Variants in AKAP9 observed in about 807,000 individuals in gnomAD.
AKAP9 encodes the protein A-kinase anchoring protein 9, also known as A-kinase anchor protein 9.
A neutral mutation model predicts 488.5 loss-of-function variants in AKAP9; 311 were observed. That is an observed-to-expected ratio of 0.64 (90% confidence interval 0.58 to 0.70). The LOEUF is 0.70. Ranked by LOEUF, AKAP9 falls within the 30% of genes least tolerant of loss-of-function variation. The pLI, the probability that AKAP9 is intolerant of heterozygous loss-of-function variation, is 0.00. For missense variants in AKAP9, 4,215 were observed against 4,374.5 expected (o/e 0.96, Z 1.03); for synonymous variants, 1,462 against 1,483.5 (o/e 0.99, Z 0.33).
chr7:92,041,088 G>C (rs1806032550), intron 18 of AKAP9, 190 bp downstream of exon 18: 2 of 553,592 alleles, frequency 3.6e-6, no homozygotes, highest in Non-Finnish European at 6.4e-6. Flanking sequence ...AGCAGCTTTA[G>C]ATCTTGTTAG....
chr7:91,973,555 A>G (rs1197327990), intron 1 of AKAP9, 156 bp from the exon 2 acceptor site: 1 of 761,122 alleles, frequency 1.3e-6, no homozygotes, highest in African/African-American at 1.8e-5. Flanking sequence ...GCATTCCAGT[A>G]GTTACATTAA....
intron 8 of AKAP9, among the ~76,000 whole-genome samples, chr7:92,004,812 T>C (rs891442762): frequency 1.3e-5 from 2 of 152,308 alleles, no homozygotes; most frequent in East Asian, 1.9e-4. Context: ...CCTTTATTTC[T>C]TTCTCCTGCC....
chr7:92,004,648 G>C (rs1397570001), intron 8 of AKAP9, among the ~76,000 whole-genome samples: 1 of 152,142 alleles, frequency 6.6e-6, no homozygotes, highest in East Asian at 1.9e-4. Flanking sequence ...GAATGCTTGT[G>C]ATTTTTGCAC....
intron 22 of AKAP9, among the ~76,000 whole-genome samples, chr7:92,057,225 A>G (rs1208212870): frequency 6.6e-6 from 1 of 152,098 alleles, no homozygotes; most frequent in Non-Finnish European, 1.5e-5. Flanking sequence ...AAAGATGAGT[A>G]ATATTTCTAA....
chr7:91,950,520 A>T (rs901451192), intron 1 of AKAP9, among the ~76,000 whole-genome samples: 2 of 152,030 alleles, frequency 1.3e-5, no homozygotes, highest in Non-Finnish European at 1.5e-5. Context: ...GTGAGCCACA[A>T]CGTCCAGGCT....
chr7:91,998,322 G>GTC (rs1490060435), intron 7 of AKAP9, among the ~76,000 whole-genome samples: 3 of 147,444 alleles, frequency 2.0e-5, no homozygotes, highest in Non-Finnish European at 4.5e-5. Flanking sequence ...CATTCTCATT[G>GTC]TCCTAATCCT....
chr7:92,084,508 G>C, intron 33 of AKAP9, 132 bp from the exon 34 acceptor site: 1 of 631,916 alleles, frequency 1.6e-6, no homozygotes, highest in Non-Finnish European at 2.7e-6. Context: ...AAAAAACCAT[G>C]AATAATTTCA....
Position 92,040,764 on chromosome 7 carries a change from G to T in AKAP9, c.4783G>T (p.Val1595Leu). ...GTTGGAAGATATGAGACAGGAACTT[G>T]TACGACAATACCAAGAACATCAACA... is the stretch of plus-strand genomic sequence containing the variant. ...EQLEDMRQEL[V>L]RQYQEHQQAT... Residue 1595 changes from valine (V) to leucine (L), a missense_variant, in exon 18 of 50, where the codon GTA (valine) becomes TTA (leucine). By Grantham distance (32) the Val-to-Leu change is conservative. Around this residue, in one of 5 missense-constraint regions of AKAP9, gnomAD observed 2,361 missense variants for 2,430.0 expected, o/e 0.97. Transcript: ENST00000356239. The T allele has an allele frequency of 6.2e-7, 1 of 1,612,462 alleles. No individual in the cohort carries two copies. Among genetic ancestry groups the T allele is most frequent in the South Asian group, 1.1e-5 (1 of 91,020 alleles).
In AKAP9 at chr7:92,078,219, A is replaced by G. The variant is rs371133750; in HGVS notation, c.6945+344A>G. On this transcript the variant is annotated intron_variant, in intron 30 of 49. Transcript: ENST00000356239. ...CACCATGTTGACCAGGCTGGTCTCTATCTCCTGATGTCAGGTGATCCACCC... is the reference window on the plus strand; with the variant it reads ...CACCATGTTGACCAGGCTGGTCTCTGTCTCCTGATGTCAGGTGATCCACCC... 7.7e-4 allele frequency among the ~76,000 whole-genome samples: 117 copies of G among 152,170 alleles called. 1 individual carries two copies. The highest frequency in any genetic ancestry group is 2.6e-3 in the African/African-American group (109 of 41,522).
At chr7:91,970,651 A>G (rs1050556240) in intron 1 of AKAP9, 3 of 369,788 alleles carry the variant, frequency 8.1e-6, no homozygotes, top group Non-Finnish European at 1.6e-5. Flanking sequence ...ATGTTGTCCC[A>G]CATCCTCCTA....
intron 33 of AKAP9, among the ~76,000 whole-genome samples, chr7:92,083,867 G>A (rs1278620905): frequency 1.3e-5 from 2 of 151,970 alleles, no homozygotes; most frequent in Non-Finnish European, 2.9e-5. Flanking sequence ...TGGGATACAC[G>A]TGCAGGATGT....
At position 92,079,541 on chromosome 7, in the gene AKAP9, A is replaced by G; in HGVS notation, c.7408A>G (p.Thr2470Ala). 1 of 1,613,848 alleles carries G rather than the reference A, an allele frequency of 6.2e-7. No individual in the cohort carries two copies. The highest frequency in any genetic ancestry group is 8.5e-7 in the Non-Finnish European group (1 of 1,180,002). Residue 2470 changes from threonine (T) to alanine (A), a missense_variant, in exon 31 of 50, where the codon ACA becomes GCA. Physicochemically the swap from Thr to Ala is moderately conservative, Grantham distance 58. Transcript: ENST00000356239. ...KDKPELEVVL[T>A]EDALKSLENQ... Reference sequence around the variant, plus strand: ...CAAACCTGAACTAGAAGTAGTCCTTACAGAGGATGCTCTTAAATCCCTAGA... The same window carrying G: ...CAAACCTGAACTAGAAGTAGTCCTTGCAGAGGATGCTCTTAAATCCCTAGA...
intron 1 of AKAP9, among the ~76,000 whole-genome samples, chr7:91,954,432 A>T (rs1259325646): frequency 1.3e-5 from 2 of 152,118 alleles, no homozygotes; most frequent in East Asian, 3.9e-4. Flanking sequence ...CTACAGGTAC[A>T]CACCACCATG....
At chr7:92,011,335 T>G (rs2130699174) in intron 8 of AKAP9, among the ~76,000 whole-genome samples, 1 of 152,348 alleles carries the variant, frequency 6.6e-6, no homozygotes, top group African/African-American at 2.4e-5. Flanking sequence ...TAAGATGCTT[T>G]GAACTTTTGT....
At chr7:92,009,243 C>T (rs1348808408) in intron 8 of AKAP9, among the ~76,000 whole-genome samples, 1 of 152,058 alleles carries the variant, frequency 6.6e-6, no homozygotes, top group Non-Finnish European at 1.5e-5. Context: ...GAGACCCTGT[C>T]TCTAAAACAA....
chr7:91,944,690 A>G (rs771986883), intron 1 of AKAP9, among the ~76,000 whole-genome samples: 2 of 152,130 alleles, frequency 1.3e-5, no homozygotes, highest in African/African-American at 2.4e-5. Context: ...CTCAGCCTCA[A>G]ATGCCATTTT....
At chr7:92,019,006 T>C (rs1801942607) in intron 12 of AKAP9, among the ~76,000 whole-genome samples, 1 of 152,238 alleles carries the variant, frequency 6.6e-6, no homozygotes, top group South Asian at 2.1e-4. Flanking sequence ...TTGTCTTAGA[T>C]AGTCTTCTCT....
intron 6 of AKAP9, among the ~76,000 whole-genome samples, chr7:91,995,261 T>A (rs1798246960): frequency 6.6e-6 from 1 of 152,198 alleles, no homozygotes; most frequent in Non-Finnish European, 1.5e-5. Flanking sequence ...TCAGGCTGTT[T>A]CCAGAACCCA....
chr7:92,102,057 G>A (rs1218871116), intron 45 of AKAP9, among the ~76,000 whole-genome samples: 1 of 151,954 alleles, frequency 6.6e-6, no homozygotes, highest in Non-Finnish European at 1.5e-5. Context: ...TTGGAAGGCT[G>A]AGGCAGGAGA....
Sources: allele counts gnomAD v4.1 joint callset (sites outside exome capture counted in the v4.1 genomes callset), GRCh38; gene constraint gnomAD v4.1.1; regional missense constraint gnomAD v4.1.1; transcripts MANE v1.5; gene names NCBI Gene and HGNC (gene_info 2026-07-23, HGNC 2026-07-21).